Variants in ABCB1 observed in about 807,000 individuals in gnomAD.
ABCB1 encodes ATP-dependent translocase ABCB1.
In ABCB1, 69 loss-of-function variants were observed where a neutral mutation model predicts 142.0. That is an observed-to-expected ratio of 0.49 (90% CI 0.40 to 0.59). The LOEUF (loss-of-function observed/expected upper bound fraction) is 0.59. Ranked by LOEUF, ABCB1 falls within the 20% of genes least tolerant of loss-of-function variation. The probability of loss-of-function intolerance (pLI) is 0.00; values close to 1 mark genes in which losing one functional copy is unlikely to be tolerated. For synonymous variants in ABCB1, 532 were observed against 539.2 expected, an observed-to-expected ratio of 0.99 and a Z score of 0.18; for missense variants, 1,326 against 1,554.7, an observed-to-expected ratio of 0.85 and a Z score of 2.47.
chr7:87,554,079 G>T, intron 8 of ABCB1, 147 bp from the exon 9 acceptor site: 1 of 717,110 alleles, frequency 1.4e-6, no homozygotes, highest in Non-Finnish European at 2.4e-6. Flanking sequence ...CTATATAGTA[G>T]TACTGTTTTA....
intron 1 of ABCB1, among the ~76,000 whole-genome samples, chr7:87,707,970 T>C (rs1292484212): frequency 1.3e-5 from 2 of 152,004 alleles, no homozygotes; most frequent in Non-Finnish European, 2.9e-5. Context: ...GAAAAATATT[T>C]GGAAAGTACT....
At chr7:87,657,850 G>A (rs1423847865) in intron 1 of ABCB1, among the ~76,000 whole-genome samples, 1 of 152,122 alleles carries the variant, frequency 6.6e-6, no homozygotes, top group Non-Finnish European at 1.5e-5. Context: ...AGCCAATTGG[G>A]AAACTTGAAC....
intron 1 of ABCB1, among the ~76,000 whole-genome samples, chr7:87,699,281 C>T (rs911129077): frequency 3.3e-5 from 5 of 152,030 alleles, no homozygotes; most frequent in African/African-American, 1.2e-4. Context: ...GAAGATTAAA[C>T]AACTTTCCTA....
intron 1 of ABCB1, among the ~76,000 whole-genome samples, chr7:87,607,383 A>C (rs1163272307): frequency 6.6e-6 from 1 of 152,164 alleles, no homozygotes; most frequent in Non-Finnish European, 1.5e-5. Flanking sequence ...CTCTATTTTT[A>C]TTCTGTATAT....
chr7:87,647,858 C>T (rs761897807), intron 1 of ABCB1, among the ~76,000 whole-genome samples: 2 of 151,976 alleles, frequency 1.3e-5, no homozygotes, highest in Non-Finnish European at 2.9e-5. Context: ...AGTAAATTGG[C>T]CAACTTGCAG....
chr7:87,595,349 C>T (rs971241139), intron 3 of ABCB1, among the ~76,000 whole-genome samples: 3 of 152,016 alleles, frequency 2.0e-5, no homozygotes, highest in African/African-American at 7.2e-5. Context: ...ATGGACTAAC[C>T]TAAATGACCT....
chr7:87,683,620 T>C (rs1428830936), intron 1 of ABCB1, among the ~76,000 whole-genome samples: 3 of 152,196 alleles, frequency 2.0e-5, no homozygotes, highest in Non-Finnish European at 2.9e-5. Context: ...AAGCTTGCCA[T>C]TTTATACAGG....
intron 1 of ABCB1, among the ~76,000 whole-genome samples, chr7:87,629,570 C>G (rs972973139): frequency 2.0e-5 from 3 of 152,124 alleles, no homozygotes; most frequent in African/African-American, 7.2e-5. Context: ...GCCTGCCTTT[C>G]CTTAATGCTT....
chr7:87,564,197 C>T (rs1201337379), intron 7 of ABCB1: 2 of 440,206 alleles, frequency 4.5e-6, no homozygotes, highest in Non-Finnish European at 4.5e-6. Flanking sequence ...TAAAATAAAC[C>T]TGCCTTACTC....
intron 1 of ABCB1, among the ~76,000 whole-genome samples, chr7:87,606,534 A>T (rs889040588): frequency 9.2e-5 from 14 of 152,158 alleles, no homozygotes; most frequent in East Asian, 1.9e-4. Context: ...ATATATATGG[A>T]TGAATTAATT....
chr7:87,644,613 G>A (rs1313923232), intron 1 of ABCB1, among the ~76,000 whole-genome samples: 1 of 152,066 alleles, frequency 6.6e-6, no homozygotes, highest in East Asian at 1.9e-4. Context: ...TCCATATAAA[G>A]GGATATAACA....
intron 9 of ABCB1, among the ~76,000 whole-genome samples, chr7:87,551,658 TTA>T (rs1817074914): frequency 7.4e-6 from 1 of 134,656 alleles, no homozygotes; most frequent in Non-Finnish European, 1.7e-5. Context: ...ATCTGGCTAA[TTA>T]AAAAAAAAAA....
chr7:87,654,182 G>T (rs1823853833), intron 1 of ABCB1, among the ~76,000 whole-genome samples: 1 of 151,800 alleles, frequency 6.6e-6, no homozygotes, highest in East Asian at 1.9e-4. Context: ...CAGGTTCACT[G>T]AAATCTCCAC....
At chr7:87,599,945 T>G (rs928417470) in intron 2 of ABCB1, among the ~76,000 whole-genome samples, 172 bp downstream of exon 2, 1 of 152,196 alleles carries the variant, frequency 6.6e-6, no homozygotes, top group Non-Finnish European at 1.5e-5. Flanking sequence ...TGTGCTCCAC[T>G]CAGCCAACAA....
chr7:87,600,410 T>C (rs1819401725), intron 1 of ABCB1, among the ~76,000 whole-genome samples: 1 of 152,174 alleles, frequency 6.6e-6, no homozygotes, highest in African/African-American at 2.4e-5. Flanking sequence ...TGGCAGCGCG[T>C]TCTGGACTTT....
intron 4 of ABCB1, among the ~76,000 whole-genome samples, chr7:87,575,247 T>C (rs1257689953): frequency 6.6e-6 from 1 of 152,216 alleles, no homozygotes; most frequent in Non-Finnish European, 1.5e-5. Context: ...ATATATAACA[T>C]GGATACATTA....
chr7:87,570,781 ACT>A (rs1266412384), intron 4 of ABCB1, among the ~76,000 whole-genome samples: 1 of 152,124 alleles, frequency 6.6e-6, no homozygotes, highest in Admixed American at 6.6e-5. Flanking sequence ...ACACACACAC[ACT>A]CAGACACATA....
intron 1 of ABCB1, among the ~76,000 whole-genome samples, chr7:87,703,885 C>CTTTTTTTTT: frequency 4.0e-3 from 240 of 60,138 alleles, no homozygotes; most frequent in South Asian, 5.7e-3. Flanking sequence ...TCAGTTTTTT[C>CTTTTTTTTT]TTTTTTTTTT....
intron 1 of ABCB1, among the ~76,000 whole-genome samples, chr7:87,615,544 G>C (rs1300877641): frequency 6.6e-6 from 1 of 152,182 alleles, no homozygotes; most frequent in Non-Finnish European, 1.5e-5. Flanking sequence ...AGACTGTAGG[G>C]AGCCAAGGGC....
Sources: allele counts gnomAD v4.1 joint callset (sites outside exome capture counted in the v4.1 genomes callset), GRCh38; gene constraint gnomAD v4.1.1; transcripts MANE v1.5; gene names NCBI Gene and HGNC (gene_info 2026-07-23, HGNC 2026-07-21).